The following PISD variants were observed in gnomAD, a reference collection of about 807,000 sequenced individuals.
The protein encoded by PISD is phosphatidylserine decarboxylase proenzyme, mitochondrial.
Under a neutral mutation model 43.5 loss-of-function variants are expected in PISD, and 31 were observed. That is an observed-to-expected ratio of 0.71 (90% confidence interval 0.54 to 0.96). The LOEUF (loss-of-function observed/expected upper bound fraction) is 0.96, where lower values mean the gene tolerates loss of function less well. Among genes scored for constraint, PISD ranks in the 40% least tolerant of loss-of-function variants. PISD has a pLI of 0.00. For synonymous variants in PISD, 259 were observed against 228.7 expected, an observed-to-expected ratio of 1.13 and a Z score of -1.20; for missense variants, 523 against 548.4, an observed-to-expected ratio of 0.95 and a Z score of 0.46.
At chr22:31,660,923 C>T (rs1446855671) in intron 1 of PISD, among the ~76,000 whole-genome samples, 4 of 152,008 alleles carry the variant, frequency 2.6e-5, no homozygotes, top group Non-Finnish European at 4.4e-5. Context: ...TTAGTAGAGA[C>T]AGGGTTTCAC....
chr22:31,619,741 C>G lies in PISD; in HGVS notation c.1101G>C (p.Lys367Asn). 6.2e-7 allele frequency: 1 copy of G among 1,614,226 alleles called. No individual in the cohort carries two copies. Among genetic ancestry groups the G allele is most frequent in the Non-Finnish European group, 8.5e-7 (1 of 1,180,020 alleles). Reference sequence around the variant, plus strand: ...GGTTGAACTCGCCCAGGTGCTCGCCCTTACGCATGGGGACGCCCTCTCTAT... The same window carrying G: ...GGTTGAACTCGCCCAGGTGCTCGCCGTTACGCATGGGGACGCCCTCTCTAT... Reference protein sequence around the residue: ...HTNREGVPMRKGEHLGEFNLG... With the variant: ...HTNREGVPMRNGEHLGEFNLG... Residue 367 changes from lysine (K) to asparagine (N), a missense_variant, in exon 8 of 8, where the codon AAG (lysine) becomes AAC (asparagine). By Grantham distance (94) the Lys-to-Asn change is moderately conservative. Transcript: ENST00000439502.
At chr22:31,637,161 A>T (rs2073503563) in intron 3 of PISD, among the ~76,000 whole-genome samples, 2 of 23,312 alleles carry the variant, frequency 8.6e-5, no homozygotes, top group Non-Finnish European at 1.5e-4. Flanking sequence ...AAAAAAAAAA[A>T]AAAATATATA....
upstream of PISD, chr22:31,662,487 T>C: frequency 1.9e-6 from 1 of 515,174 alleles, no homozygotes. Context: ...ACCTGGAAAA[T>C]CTGAGTCATC....
intron 3 of PISD, chr22:31,629,225 G>C (rs2073070037): frequency 1.0e-6 from 1 of 985,216 alleles, no homozygotes; most frequent in Non-Finnish European, 1.2e-6. Flanking sequence ...CTGCAAGATT[G>C]TTGTGCGTGA....
chr22:31,623,900 A>G (rs2147640519), intron 3 of PISD: 1 of 1,536,674 alleles, frequency 6.5e-7, no homozygotes, highest in Non-Finnish European at 8.8e-7. Flanking sequence ...GGCTCTGGGC[A>G]GGACCCAGGA....
At chr22:31,634,431 C>T (rs912316130) in intron 3 of PISD, among the ~76,000 whole-genome samples, 11 of 152,204 alleles carry the variant, frequency 7.2e-5, no homozygotes, top group Non-Finnish European at 1.2e-4. Flanking sequence ...TTGGCAGTCC[C>T]ACTAGCCTGC....
chr22:31,656,993 T>C (rs2074198053), intron 1 of PISD, among the ~76,000 whole-genome samples: 2 of 152,328 alleles, frequency 1.3e-5, no homozygotes, highest in Non-Finnish European at 2.9e-5. Context: ...TCTGGGTATG[T>C]AGTAGGCATA....
chr22:31,649,054 C>G (rs561574633), intron 2 of PISD, among the ~76,000 whole-genome samples: 2 of 152,066 alleles, frequency 1.3e-5, no homozygotes, highest in South Asian at 4.1e-4. Flanking sequence ...TCTTACAGGT[C>G]AACAATAAAA....
At position 31,645,120 on chromosome 22, in the gene PISD, CAAAAAAAA is replaced by C. The variant is rs753252900; in HGVS notation, c.321+2973_321+2980del. On this transcript the variant is annotated intron_variant, in intron 3 of 7. Coordinates refer to ENST00000439502, the MANE Select transcript of PISD (RefSeq NM_001326411.2). The stretch of plus-strand genomic sequence containing the variant: ...TGGGTGACAGAGTGAGACTCCGTCT[CAAAAAAAA>C]AAGAAAAAAACTTTGTTTCATGAAG... 5.1e-5 allele frequency among the ~76,000 whole-genome samples: 7 copies of C among 137,854 alleles called. No homozygotes were observed. In the East Asian group the frequency reaches 6.3e-4, roughly 12 times the overall value. 90.4% of individuals were successfully genotyped at this position (137,854 alleles called of 152,430 possible).
intron 3 of PISD, among the ~76,000 whole-genome samples, chr22:31,644,178 T>G (rs1219167917): frequency 6.6e-6 from 1 of 152,022 alleles, no homozygotes; most frequent in Non-Finnish European, 1.5e-5. Flanking sequence ...AAAACACAGA[T>G]CTTGCACCTA....
In PISD at chr22:31,619,582, C is replaced by T; in HGVS notation, c.*30G>A. Reference sequence around the variant, plus strand: ...GACCCTCACTCTGTTTGGAAAAGATCCCTTAGCAGCCATAATCAGGAAAGA... The same window carrying T: ...GACCCTCACTCTGTTTGGAAAAGATTCCTTAGCAGCCATAATCAGGAAAGA... On this transcript the variant is annotated 3_prime_UTR_variant, in exon 8 of 8. Transcript: ENST00000439502. The T allele has an allele frequency of 6.4e-7, 1 of 1,570,826 alleles. No individual in the cohort carries two copies. The highest frequency in any genetic ancestry group is 1.7e-5 in the Admixed American group (1 of 59,712).
intron 3 of PISD, among the ~76,000 whole-genome samples, chr22:31,642,874 G>A (rs558361876): frequency 2.0e-5 from 3 of 151,108 alleles, no homozygotes; most frequent in Non-Finnish European, 3.0e-5. Flanking sequence ...AGGCTGAGGC[G>A]GGCGGATCAC....
chr22:31,638,361 C>T, intron 3 of PISD: 1 of 985,572 alleles, frequency 1.0e-6, no homozygotes, highest in Non-Finnish European at 1.2e-6. Flanking sequence ...CCATGGGAAA[C>T]TCACCTCCAC....
At chr22:31,657,873 C>T (rs1414532009) in intron 1 of PISD, among the ~76,000 whole-genome samples, 2 of 152,172 alleles carry the variant, frequency 1.3e-5, no homozygotes, top group Admixed American at 6.5e-5. Flanking sequence ...CATCCCCCCA[C>T]TACCCTTTCC....
intron 3 of PISD, chr22:31,632,215 A>G: frequency 2.0e-6 from 2 of 985,134 alleles, no homozygotes; most frequent in Non-Finnish European, 2.4e-6. Flanking sequence ...CCACATGACA[A>G]GCCACAGCCC....
chr22:31,635,073 T>G (rs1368433807), intron 3 of PISD, among the ~76,000 whole-genome samples: 1 of 151,598 alleles, frequency 6.6e-6, no homozygotes, highest in East Asian at 2.0e-4. Flanking sequence ...GGCTGAGGCA[T>G]GAGAATCGCT....
At chr22:31,627,269 G>A (rs1284136332) in intron 3 of PISD, among the ~76,000 whole-genome samples, 2 of 152,230 alleles carry the variant, frequency 1.3e-5, no homozygotes, top group Non-Finnish European at 2.9e-5. Flanking sequence ...AGGCAGGAGG[G>A]CGCCTACCCA....
chr22:31,629,275 G>C (rs2073073055), intron 3 of PISD: 1 of 966,472 alleles, frequency 1.0e-6, no homozygotes, highest in Admixed American at 6.2e-5. Flanking sequence ...GTGCATGGAG[G>C]ATACGTGTGC....
intron 3 of PISD, among the ~76,000 whole-genome samples, chr22:31,641,936 G>A (rs1422228950): frequency 6.6e-6 from 1 of 151,208 alleles, no homozygotes; most frequent in Non-Finnish European, 1.5e-5. Context: ...GAAACACTCC[G>A]ATTGTTTTAG....
Sources: allele counts gnomAD v4.1 joint callset (sites outside exome capture counted in the v4.1 genomes callset), GRCh38; gene constraint gnomAD v4.1.1; transcripts MANE v1.5; gene names NCBI Gene and HGNC (gene_info 2026-07-23, HGNC 2026-07-21).